INPP4B: variants seen among roughly 807,000 people sequenced by gnomAD.
INPP4B encodes the protein inositol polyphosphate 4-phosphatase type II.
A neutral mutation model predicts 122.5 loss-of-function variants in INPP4B; 55 were observed. The ratio of observed to expected loss-of-function variants is 0.45; its 90% CI spans 0.36 to 0.56. The LOEUF (loss-of-function observed/expected upper bound fraction) is 0.56. Among genes scored for constraint, INPP4B ranks in the 20% least tolerant of loss-of-function variants. INPP4B has a pLI of 0.00. For missense variants in INPP4B, 1,000 were observed against 1,097.7 expected, an observed-to-expected ratio of 0.91 and a Z score of 1.26; for synonymous variants, 403 against 388.7, an observed-to-expected ratio of 1.04 and a Z score of -0.43.
chr4:142,032,580 C>A (rs1241388914), intron 25 of INPP4B, among the ~76,000 whole-genome samples: 1 of 152,006 alleles, frequency 6.6e-6, no homozygotes, highest in African/African-American at 2.4e-5. Flanking sequence ...TCATGTATTT[C>A]AAAAAATATA....
chr4:142,785,791 A>C (rs529603451), intron 1 of INPP4B, among the ~76,000 whole-genome samples: 1 of 152,210 alleles, frequency 6.6e-6, no homozygotes, highest in Non-Finnish European at 1.5e-5. Flanking sequence ...TATTAATGAC[A>C]GTCATCAAAA....
intron 1 of INPP4B, among the ~76,000 whole-genome samples, chr4:142,801,658 C>T (rs1778020546): frequency 6.6e-6 from 1 of 152,098 alleles, no homozygotes; most frequent in African/African-American, 2.4e-5. Context: ...AGATGGATGT[C>T]AGTGAAAGAT....
At chr4:142,131,401 G>A (rs1157074090) in intron 18 of INPP4B, among the ~76,000 whole-genome samples, 1 of 151,924 alleles carries the variant, frequency 6.6e-6, no homozygotes, top group African/African-American at 2.4e-5. Flanking sequence ...GAATGTAGGT[G>A]AAGTAAACTA....
At chr4:142,153,375 C>A (rs336389) in intron 17 of INPP4B, among the ~76,000 whole-genome samples, 151,236 of 152,316 alleles carry the variant, frequency 0.99, 75,089 homozygotes, top group East Asian at 1. Flanking sequence ...AGTTAAAAAA[C>A]TTTCTGTTTG....
At chr4:142,645,957 C>T (rs1751688008) in intron 2 of INPP4B, among the ~76,000 whole-genome samples, 1 of 152,038 alleles carries the variant, frequency 6.6e-6, no homozygotes, top group Non-Finnish European at 1.5e-5. Flanking sequence ...ATACAGAGAC[C>T]TGTGTTATAC....
At chr4:142,063,100 A>AT (rs971633580) in intron 25 of INPP4B, among the ~76,000 whole-genome samples, 9 of 152,274 alleles carry the variant, frequency 5.9e-5, no homozygotes, top group African/African-American at 2.2e-4. Context: ...TTCAACATTT[A>AT]TTTTTTGCAG....
rs746549091 is a variant in INPP4B at position 142,431,265 on chromosome 4, A to G, written c.-6T>C. 9 of 1,611,146 alleles carry G rather than the reference A, an allele frequency of 5.6e-6. No individual in the cohort carries two copies. The East Asian group carries it at 1.6e-4, about 28-fold the overall frequency. Reference sequence around the variant, plus strand: ...CCTTCCTCTTTAATTTCCATGATCAACCTTCACAGTTTTAAAATTTTCCAA... The same window carrying G: ...CCTTCCTCTTTAATTTCCATGATCAGCCTTCACAGTTTTAAAATTTTCCAA... On this transcript the variant is annotated 5_prime_UTR_variant, in exon 4 of 26. Coordinates refer to ENST00000262992, the MANE Select transcript of INPP4B (RefSeq NM_001101669.3).
chr4:142,043,740 G>A (rs1019293374), intron 25 of INPP4B, among the ~76,000 whole-genome samples: 2 of 152,168 alleles, frequency 1.3e-5, no homozygotes, highest in Non-Finnish European at 2.9e-5. Flanking sequence ...AATGAGATGA[G>A]GCTATGTTGT....
At chr4:142,029,161 T>G (rs1738216894) in intron 25 of INPP4B, 1 of 1,165,418 alleles carries the variant, frequency 8.6e-7, no homozygotes, top group Non-Finnish European at 1.1e-6. Context: ...TTTAATAAAC[T>G]CTTTAAATAT....
chr4:142,076,496 C>A lies in INPP4B; in HGVS notation c.2642+5535G>T. 2.6e-5 allele frequency among the ~76,000 whole-genome samples: 4 copies of A among 152,158 alleles called. 1 individual carries two copies. The highest frequency in any genetic ancestry group is 9.6e-5 in the African/African-American group (4 of 41,530). ...ATAACCCTGAGATGAAGGTGACTCT[C>A]TCTCTCAGCTTATTCCTGTTATTTG... On this transcript the variant is annotated intron_variant, in intron 25 of 25. Coordinates refer to ENST00000262992, the MANE Select transcript of INPP4B (RefSeq NM_001101669.3).
At chr4:142,669,031 G>A (rs1478684463) in intron 2 of INPP4B, among the ~76,000 whole-genome samples, 1 of 151,842 alleles carries the variant, frequency 6.6e-6, no homozygotes, top group Non-Finnish European at 1.5e-5. Flanking sequence ...GCTCCAGCCT[G>A]GATGACAGAG....
At chr4:142,629,475 G>A (rs1401403626) in intron 2 of INPP4B, among the ~76,000 whole-genome samples, 1 of 151,960 alleles carries the variant, frequency 6.6e-6, no homozygotes, top group Admixed American at 6.6e-5. Flanking sequence ...TAGATGAGAT[G>A]AAGGAAACCC....
intron 2 of INPP4B, among the ~76,000 whole-genome samples, chr4:142,704,285 A>T (rs1762195125): frequency 6.6e-6 from 1 of 152,206 alleles, no homozygotes. Context: ...TGAGATAGCT[A>T]ATTTTCAGCA....
At chr4:142,621,336 T>C (rs1457556855) in intron 2 of INPP4B, among the ~76,000 whole-genome samples, 3 of 151,684 alleles carry the variant, frequency 2.0e-5, no homozygotes, top group African/African-American at 7.3e-5. Flanking sequence ...TTTAGAAAAT[T>C]ATATCTGTTT....
rs541241662 is a variant in INPP4B at position 142,470,899 on chromosome 4, T to A, written c.-190-8173A>T. On this transcript the variant is annotated intron_variant, in intron 2 of 25. Transcript: ENST00000262992. ...AAAGAAATAGAAACATCCTAAATAT[T>A]CAACAATAGAGGAATCTTTGAATAA... is the stretch of plus-strand genomic sequence containing the variant. Among the ~76,000 whole-genome samples, 20 of 152,314 alleles carry A rather than the reference T, an allele frequency of 1.3e-4. No individual in the cohort carries two copies. In the South Asian group the frequency reaches 4.1e-3, roughly 32 times the overall value.
intron 2 of INPP4B, among the ~76,000 whole-genome samples, chr4:142,543,253 T>C (rs1248251882): frequency 6.6e-6 from 1 of 152,146 alleles, no homozygotes; most frequent in Non-Finnish European, 1.5e-5. Flanking sequence ...ATAAATGCTG[T>C]TTCCAATTAA....
At position 142,028,501 on chromosome 4, in the gene INPP4B, G is replaced by A. The variant is rs1394885834; in HGVS notation, c.*281C>T. ...CAGAAACATTTAAATACTCATGAAT[G>A]AAATTTACACTTTGTGAACCAATCT... is the stretch of plus-strand genomic sequence containing the variant. On this transcript the variant is annotated 3_prime_UTR_variant, in exon 26 of 26. Transcript: ENST00000262992. 8.1e-6 allele frequency: 3 copies of A among 371,582 alleles called. No homozygotes were observed. Among genetic ancestry groups the A allele is most frequent in the Non-Finnish European group, 1.5e-5 (3 of 205,596 alleles). 23.0% of individuals were successfully genotyped at this position (371,582 alleles called of 1,614,324 possible).
At chr4:142,558,793 T>TAAAAAAAAAAAAAAAAAAAAAAAAAA (rs34151070) in intron 2 of INPP4B, among the ~76,000 whole-genome samples, 1 of 75,546 alleles carries the variant, frequency 1.3e-5, no homozygotes, top group African/African-American at 5.0e-5. Context: ...AGACTCCCTC[T>TAAAAAAAAAAAAAAAAAAAAAAAAAA]AAAAAAAAAA....
chr4:142,531,730 C>A (rs1321003806), intron 2 of INPP4B, among the ~76,000 whole-genome samples: 1 of 151,902 alleles, frequency 6.6e-6, no homozygotes, highest in Non-Finnish European at 1.5e-5. Context: ...ATTCCACAGT[C>A]TCCGACTAAG....
Sources: gnomAD v4.1 joint callset for allele counts (sites outside exome capture counted in the v4.1 genomes callset) on GRCh38, gnomAD v4.1.1 for gene constraint, MANE v1.5 for transcripts, NCBI Gene and HGNC (gene_info 2026-07-23, HGNC 2026-07-21) for gene names.